The following CTNNA3 variants were observed in gnomAD, a reference collection of about 807,000 sequenced individuals.
The protein encoded by CTNNA3 is catenin alpha 3.
In CTNNA3, 76 loss-of-function variants were observed where a neutral mutation model predicts 95.7. That is an observed-to-expected ratio of 0.79 (90% CI 0.66 to 0.96). The LOEUF is 0.96. CTNNA3 is among the 40% of genes least tolerant of loss of function. The pLI, the probability that CTNNA3 is intolerant of heterozygous loss-of-function variation, is 0.00. For synonymous variants in CTNNA3, 431 were observed against 374.4 expected (o/e 1.15, Z -1.74); for missense variants, 1,191 against 1,089.8 (o/e 1.09, Z -1.31).
chr10:66,517,583 G>A lies in CTNNA3; in HGVS notation c.1531+3034C>T, dbSNP rs534994794. On this transcript the variant is annotated intron_variant, in intron 11 of 17. Coordinates refer to ENST00000433211, the MANE Select transcript of CTNNA3 (RefSeq NM_013266.4). ...ACCCTATATGGTCTAAAAGGGGGAG[G>A]CATGAATAATCCACCCCTTGTTTAG... 5.9e-5 allele frequency among the ~76,000 whole-genome samples: 9 copies of A among 152,152 alleles called. No individual in the cohort carries two copies. In the East Asian group the frequency reaches 1.7e-3, roughly 29 times the overall value.
At chr10:66,680,932 A>AT (rs1847046373) in intron 9 of CTNNA3, among the ~76,000 whole-genome samples, 1 of 152,058 alleles carries the variant, frequency 6.6e-6, no homozygotes, top group African/African-American at 2.4e-5. Context: ...CATTGAAGGA[A>AT]TTTTTTCTTA....
chr10:67,330,336 T>C (rs1384994327), intron 5 of CTNNA3, among the ~76,000 whole-genome samples: 1 of 152,156 alleles, frequency 6.6e-6, no homozygotes, highest in Admixed American at 6.5e-5. Flanking sequence ...TCTTAAATAT[T>C]TCTATATTTA....
chr10:65,973,476 T>C (rs553154367), intron 16 of CTNNA3, among the ~76,000 whole-genome samples: 1 of 152,278 alleles, frequency 6.6e-6, no homozygotes, highest in East Asian at 1.9e-4. Flanking sequence ...CCAGGATCTA[T>C]AAGGAACTTA....
At chr10:67,209,706 A>G (rs1315751705) in intron 6 of CTNNA3, among the ~76,000 whole-genome samples, 1 of 152,158 alleles carries the variant, frequency 6.6e-6, no homozygotes, top group African/African-American at 2.4e-5. Flanking sequence ...GACAAAAATA[A>G]ACAAAAAACA....
At chr10:66,216,347 G>A (rs1043824923) in intron 13 of CTNNA3, among the ~76,000 whole-genome samples, 4 of 152,190 alleles carry the variant, frequency 2.6e-5, no homozygotes, top group African/African-American at 7.2e-5. Context: ...GCAGGTAATT[G>A]TGTGGGGATC....
At chr10:66,585,969 AC>A (rs1349422861) in intron 10 of CTNNA3, among the ~76,000 whole-genome samples, 1 of 151,906 alleles carries the variant, frequency 6.6e-6, no homozygotes, top group African/African-American at 2.4e-5. Flanking sequence ...TGTGACTTTA[AC>A]ATTTATAGTT....
At chr10:66,500,296 T>C (rs1840239467) in intron 11 of CTNNA3, among the ~76,000 whole-genome samples, 1 of 152,178 alleles carries the variant, frequency 6.6e-6, no homozygotes, top group South Asian at 2.1e-4. Context: ...TTTAATAAAG[T>C]ATTTTAATTA....
intron 11 of CTNNA3, among the ~76,000 whole-genome samples, chr10:66,400,164 C>T (rs1322001222): frequency 2.0e-5 from 3 of 151,774 alleles, no homozygotes; most frequent in Non-Finnish European, 4.4e-5. Context: ...AGAATCAAAA[C>T]ATGTTTACAA....
At chr10:67,702,566 C>T (rs1306994118) in intron 1 of CTNNA3, among the ~76,000 whole-genome samples, 1 of 152,214 alleles carries the variant, frequency 6.6e-6, no homozygotes, top group Non-Finnish European at 1.5e-5. Flanking sequence ...TAAAGATGTT[C>T]TTTGAAACCA....
At chr10:67,724,617 C>T (rs1336992645) in intron 1 of CTNNA3, among the ~76,000 whole-genome samples, 1 of 152,206 alleles carries the variant, frequency 6.6e-6, no homozygotes, top group African/African-American at 2.4e-5. Context: ...GATTAACCCA[C>T]AACCAATGGG....
chr10:66,269,726 ACT>A (rs2091235598), intron 13 of CTNNA3, among the ~76,000 whole-genome samples: 1 of 152,118 alleles, frequency 6.6e-6, no homozygotes, highest in Admixed American at 6.5e-5. Context: ...CATTCCACAA[ACT>A]CTATCCTTAG....
At chr10:66,690,209 G>C (rs1447767387) in intron 9 of CTNNA3, among the ~76,000 whole-genome samples, 1 of 152,146 alleles carries the variant, frequency 6.6e-6, no homozygotes, top group Non-Finnish European at 1.5e-5. Flanking sequence ...GGTGGCTCTA[G>C]AAATAGATCA....
At chr10:67,132,850 T>C (rs985831466) in intron 7 of CTNNA3, among the ~76,000 whole-genome samples, 1 of 152,040 alleles carries the variant, frequency 6.6e-6, no homozygotes, top group Admixed American at 6.6e-5. Context: ...CACTCATATG[T>C]GAGAGCTAAA....
At position 67,352,757 on chromosome 10, in the gene CTNNA3, T is replaced by A. The variant is rs115935409; in HGVS notation, c.580-132887A>T. Among the ~76,000 whole-genome samples the A allele has an allele frequency of 5.4e-3, 828 of 152,064 alleles. 4 individuals are homozygous for A. Among genetic ancestry groups the A allele is most frequent in the Middle Eastern group, 0.024 (7 of 294 alleles). On this transcript the variant is annotated intron_variant, in intron 5 of 17. Coordinates refer to ENST00000433211, the MANE Select transcript of CTNNA3 (RefSeq NM_013266.4). ...TTCCGAAATAATGGAACTCCTACTA[T>A]CTCCTGTGTCTTCAAGCCCTTCCCT...
At chr10:67,359,784 C>T (rs1303557465) in intron 5 of CTNNA3, among the ~76,000 whole-genome samples, 6 of 152,000 alleles carry the variant, frequency 3.9e-5, no homozygotes, top group African/African-American at 1.4e-4. Context: ...TATTTGAGTA[C>T]CTAGTCCAGG....
intron 5 of CTNNA3, among the ~76,000 whole-genome samples, chr10:67,518,386 C>T (rs758565706): frequency 3.3e-5 from 5 of 152,026 alleles, no homozygotes; most frequent in East Asian, 1.9e-4. Flanking sequence ...ATTCTAAATA[C>T]GAAGTTATAT....
At chr10:67,567,136 T>G (rs997001921) in intron 3 of CTNNA3, among the ~76,000 whole-genome samples, 3 of 151,522 alleles carry the variant, frequency 2.0e-5, no homozygotes, top group African/African-American at 7.3e-5. Context: ...CTAACCTGCA[T>G]GTTGTGCACA....
At chr10:67,727,160 T>TA (rs1456799662) in intron 1 of CTNNA3, among the ~76,000 whole-genome samples, 2 of 122,478 alleles carry the variant, frequency 1.6e-5, no homozygotes, top group African/African-American at 6.5e-5. Flanking sequence ...TATAATTATA[T>TA]ATAATATATG....
At chr10:66,445,920 C>G (rs890360844) in intron 11 of CTNNA3, among the ~76,000 whole-genome samples, 2 of 151,954 alleles carry the variant, frequency 1.3e-5, no homozygotes, top group African/African-American at 2.4e-5. Context: ...AATTGATAGA[C>G]CGCTATCAAG....
Sources: allele counts gnomAD v4.1 joint callset (sites outside exome capture counted in the v4.1 genomes callset), GRCh38; gene constraint gnomAD v4.1.1; transcripts MANE v1.5; gene names NCBI Gene and HGNC (gene_info 2026-07-23, HGNC 2026-07-21).